The following SYT13 variants were observed in gnomAD, a reference collection of about 807,000 sequenced individuals.
SYT13 encodes the protein synaptotagmin-13.
A neutral mutation model predicts 38.6 loss-of-function variants in SYT13; 21 were observed. That is an observed-to-expected ratio of 0.54 (90% CI 0.39 to 0.78). SYT13 has a LOEUF of 0.78. Among genes scored for constraint, SYT13 ranks in the 30% least tolerant of loss-of-function variants. The probability of loss-of-function intolerance (pLI) is 0.00; values close to 1 mark genes in which losing one functional copy is unlikely to be tolerated. For missense variants in SYT13, 495 were observed against 548.7 expected, an observed-to-expected ratio of 0.90 and a Z score of 0.98; for synonymous variants, 241 against 237.6, an observed-to-expected ratio of 1.01 and a Z score of -0.13.
intron 1 of SYT13, among the ~76,000 whole-genome samples, chr11:45,280,282 AG>A (rs1406435525): frequency 1.3e-5 from 2 of 152,266 alleles, no homozygotes; most frequent in East Asian, 3.9e-4. Flanking sequence ...CCCAATCCCC[AG>A]GGGGAATCCT....
chr11:45,257,184 A>G (rs768641579), intron 1 of SYT13, among the ~76,000 whole-genome samples: 6 of 152,182 alleles, frequency 3.9e-5, no homozygotes, highest in Admixed American at 6.5e-5. Flanking sequence ...ACCCTTAAGT[A>G]TATGGGGCTC....
intron 1 of SYT13, among the ~76,000 whole-genome samples, chr11:45,282,526 T>C (rs1181695027): frequency 3.9e-5 from 6 of 152,198 alleles, no homozygotes; most frequent in Admixed American, 3.9e-4. Context: ...TAGCTATATG[T>C]TTGCTTCTTT....
At chr11:45,255,063 C>T (rs887303130) in intron 2 of SYT13, among the ~76,000 whole-genome samples, 4 of 151,898 alleles carry the variant, frequency 2.6e-5, no homozygotes, top group African/African-American at 9.7e-5. Context: ...CTGCAGTGGC[C>T]CACGATCATG....
intron 1 of SYT13, among the ~76,000 whole-genome samples, chr11:45,281,932 G>C (rs1855079358): frequency 6.6e-6 from 1 of 152,200 alleles, no homozygotes; most frequent in African/African-American, 2.4e-5. Context: ...GTGGGGCAAG[G>C]GGAAAAGAGC....
At position 45,241,152 on chromosome 11, in the gene SYT13, C is replaced by A. The variant is rs1854545836; in HGVS notation, c.*2900G>T. 6.6e-6 allele frequency: 1 copy of A among 152,224 alleles called. No individual in the cohort carries two copies. The highest frequency in any genetic ancestry group is 2.4e-5 in the African/African-American group (1 of 41,474). The allele number at this position is 152,224 out of a possible 1,614,324, so 9.4% of individuals were successfully genotyped here. A position where few individuals can be genotyped will look rare whatever the true frequency, so the allele number is the denominator to read the frequency against. On this transcript the variant is annotated 3_prime_UTR_variant, in exon 6 of 6. Coordinates refer to ENST00000020926, the MANE Select transcript of SYT13 (RefSeq NM_020826.3). Reference sequence around the variant, plus strand: ...AATACTCATTGTCATGAATTTCTAGCTTGACTGCTAAGACATCTGATGCCT... The same window carrying A: ...AATACTCATTGTCATGAATTTCTAGATTGACTGCTAAGACATCTGATGCCT...
At chr11:45,257,761 C>T (rs985979916) in intron 1 of SYT13, among the ~76,000 whole-genome samples, 7 of 152,190 alleles carry the variant, frequency 4.6e-5, no homozygotes, top group Non-Finnish European at 7.3e-5. Flanking sequence ...TAGTTTCATC[C>T]ATTGGACAAA....
intron 1 of SYT13, among the ~76,000 whole-genome samples, chr11:45,261,782 T>TGATACA (rs932352695): frequency 1.2e-4 from 18 of 149,748 alleles, no homozygotes; most frequent in African/African-American, 4.0e-4. Context: ...CCGGGCTTTG[T>TGATACA]GGTGCACACC....
rs1854541522 is a variant in SYT13 at position 45,240,830 on chromosome 11, A to G, written c.*3222T>C. 1 of 152,156 alleles carries G rather than the reference A, an allele frequency of 6.6e-6. No individual in the cohort carries two copies. Among genetic ancestry groups the G allele is most frequent in the Admixed American group, 6.5e-5 (1 of 15,270 alleles). The allele number at this position is 152,156 out of a possible 1,614,324, so 9.4% of individuals were successfully genotyped here. A position where few individuals can be genotyped will look rare whatever the true frequency, so the allele number is the denominator to read the frequency against. On this transcript the variant is annotated 3_prime_UTR_variant, in exon 6 of 6. Coordinates refer to ENST00000020926, the MANE Select transcript of SYT13 (RefSeq NM_020826.3). ...GGTCTCTCACCTTATTTTTACCTCTACCTCACACCCTTTTTAGAAATGCTC... is the reference window on the plus strand; with the variant it reads ...GGTCTCTCACCTTATTTTTACCTCTGCCTCACACCCTTTTTAGAAATGCTC...
chr11:45,248,080 C>G (rs1231215228), intron 4 of SYT13, among the ~76,000 whole-genome samples: 1 of 152,204 alleles, frequency 6.6e-6, no homozygotes, highest in African/African-American at 2.4e-5. Flanking sequence ...CCTCTATGAC[C>G]TTGGGTAAGT....
intron 1 of SYT13, among the ~76,000 whole-genome samples, chr11:45,284,752 G>A (rs967005530): frequency 6.6e-6 from 1 of 152,146 alleles, no homozygotes; most frequent in African/African-American, 2.4e-5. Flanking sequence ...GGCCGACCAC[G>A]ACTTGTGGAG....
At chr11:45,251,386 TAAAAAAAAAAA>T (rs10649998) in intron 4 of SYT13, among the ~76,000 whole-genome samples, 1 of 75,372 alleles carries the variant, frequency 1.3e-5, no homozygotes, top group Non-Finnish European at 2.4e-5. Context: ...AGACTCTGTC[TAAAAAAAAAAA>T]AAAAAAAAAA....
intron 3 of SYT13, among the ~76,000 whole-genome samples, chr11:45,253,281 GAAGAT>G (rs1189825358): frequency 2.0e-5 from 3 of 152,148 alleles, no homozygotes; most frequent in African/African-American, 7.2e-5. Flanking sequence ...CACAAGAAGA[GAAGAT>G]GAAGAACTGA....
At chr11:45,266,049 A>G (rs1401905381) in intron 1 of SYT13, among the ~76,000 whole-genome samples, 1 of 152,228 alleles carries the variant, frequency 6.6e-6, no homozygotes, top group Non-Finnish European at 1.5e-5. Context: ...TGCAAATTAC[A>G]TCACAATAAA....
intron 5 of SYT13, 66 bp from the exon 6 acceptor site, chr11:45,244,422 C>A: frequency 6.5e-7 from 1 of 1,545,224 alleles, no homozygotes; most frequent in Non-Finnish European, 8.8e-7. Context: ...TGGGATCTGG[C>A]AGGGCCCAGG....
intron 1 of SYT13, among the ~76,000 whole-genome samples, chr11:45,261,397 C>T (rs1854813075): frequency 1.3e-5 from 2 of 151,718 alleles, no homozygotes; most frequent in African/African-American, 4.8e-5. Context: ...CGAGACCATC[C>T]TGGCTAACAC....
chr11:45,264,114 G>A (rs1213566712), intron 1 of SYT13, among the ~76,000 whole-genome samples: 1 of 152,172 alleles, frequency 6.6e-6, no homozygotes, highest in Non-Finnish European at 1.5e-5. Context: ...TATAGACATT[G>A]AGTGTGAGCA....
At position 45,243,014 on chromosome 11, in the gene SYT13, A is replaced by C. The variant is rs1159012203; in HGVS notation, c.*1038T>G. On this transcript the variant is annotated 3_prime_UTR_variant, in exon 6 of 6. Transcript: ENST00000020926. ...GTAGCCAGATGTCATAGACTAAGTC[A>C]ATAACTAAATTCCTCCTGAAGTGAC... 1 of 152,170 alleles carries C rather than the reference A, an allele frequency of 6.6e-6. No individual in the cohort carries two copies. The highest frequency in any genetic ancestry group is 2.4e-5 in the African/African-American group (1 of 41,436). The allele number at this position is 152,170 out of a possible 1,614,324, so 9.4% of individuals were successfully genotyped here. A position where few individuals can be genotyped will look rare whatever the true frequency, so the allele number is the denominator to read the frequency against.
chr11:45,259,097 CT>C (rs1241603876), intron 1 of SYT13, among the ~76,000 whole-genome samples: 1 of 152,120 alleles, frequency 6.6e-6, no homozygotes, highest in African/African-American at 2.4e-5. Context: ...TGCAAAATCC[CT>C]GTCGGTCTTG....
At chr11:45,253,555 C>G (rs1022889063) in intron 3 of SYT13, among the ~76,000 whole-genome samples, 25 of 152,186 alleles carry the variant, frequency 1.6e-4, no homozygotes, top group Non-Finnish European at 5.9e-5. Context: ...ATTTATCTGA[C>G]CCCATTGCTA....
Sources: gnomAD v4.1 joint callset for allele counts (sites outside exome capture counted in the v4.1 genomes callset) on GRCh38, gnomAD v4.1.1 for gene constraint, MANE v1.5 for transcripts, NCBI Gene and HGNC (gene_info 2026-07-23, HGNC 2026-07-21) for gene names.